Variants in PAFAH1B1 observed in about 807,000 individuals in gnomAD.
The protein encoded by PAFAH1B1 is platelet activating factor acetylhydrolase 1b regulatory subunit 1.
A neutral mutation model predicts 57.5 loss-of-function variants in PAFAH1B1; 2 were observed. The ratio of observed to expected loss-of-function variants is 0.03; its 90% confidence interval spans 0.01 to 0.11. The LOEUF (loss-of-function observed/expected upper bound fraction) is 0.11. Among genes scored for constraint, PAFAH1B1 ranks in the 10% least tolerant of loss-of-function variants. The pLI is 1.00. For missense variants in PAFAH1B1, 257 were observed against 512.0 expected (o/e 0.50, Z 4.81); for synonymous variants, 152 against 169.6 (o/e 0.90, Z 0.81).
intron 1 of PAFAH1B1, among the ~76,000 whole-genome samples, chr17:2,603,807 C>G (rs1274835605): frequency 1.3e-5 from 2 of 150,828 alleles, no homozygotes; most frequent in Non-Finnish European, 2.9e-5. Flanking sequence ...GTGGCACGAT[C>G]TTGGCTTACT....
intron 2 of PAFAH1B1, among the ~76,000 whole-genome samples, chr17:2,657,441 A>G (rs1237320847): frequency 6.6e-6 from 1 of 152,176 alleles, no homozygotes; most frequent in South Asian, 2.1e-4. Flanking sequence ...CTGAGGTTTC[A>G]CCATGTTGGC....
chr17:2,655,798 TAG>T (rs2068929174), intron 2 of PAFAH1B1, among the ~76,000 whole-genome samples: 1 of 149,752 alleles, frequency 6.7e-6, no homozygotes, highest in Admixed American at 6.7e-5. Flanking sequence ...AAAAAAAAAA[TAG>T]AAGAGGAAAG....
chr17:2,599,971 CTTTTTTTTTT>C (rs34442256), intron 1 of PAFAH1B1, among the ~76,000 whole-genome samples: 7 of 82,774 alleles, frequency 8.5e-5, no homozygotes, highest in East Asian at 3.5e-4. Context: ...CATTTTTAAC[CTTTTTTTTTT>C]TTTTTTTTTT....
chr17:2,664,049 G>A (rs1341405546), intron 2 of PAFAH1B1, among the ~76,000 whole-genome samples: 1 of 152,014 alleles, frequency 6.6e-6, no homozygotes, highest in Admixed American at 6.6e-5. Context: ...CAAAGTGCTG[G>A]GATTACAGAC....
intron 1 of PAFAH1B1, among the ~76,000 whole-genome samples, chr17:2,616,801 C>T (rs923952382): frequency 7.9e-5 from 12 of 152,180 alleles, no homozygotes; most frequent in Middle Eastern, 3.4e-3. Flanking sequence ...CAGTGGCTCA[C>T]GCCTGTAATC....
At chr17:2,637,325 G>T (rs535385279) in intron 1 of PAFAH1B1, among the ~76,000 whole-genome samples, 1 of 152,118 alleles carries the variant, frequency 6.6e-6, no homozygotes, top group Admixed American at 6.6e-5. Context: ...GGTTAAGAGA[G>T]CATAAGATTC....
At chr17:2,651,413 C>CAA (rs1157501996) in intron 2 of PAFAH1B1, among the ~76,000 whole-genome samples, 1,057 of 53,310 alleles carry the variant, frequency 0.02, 16 homozygotes, top group African/African-American at 0.061. Flanking sequence ...CCCGTCTCTA[C>CAA]AAAAAAAAAA....
chr17:2,671,922 C>A (rs979424670), intron 6 of PAFAH1B1, among the ~76,000 whole-genome samples: 4 of 151,840 alleles, frequency 2.6e-5, no homozygotes, highest in African/African-American at 9.7e-5. Context: ...AAACAGAGAA[C>A]CAATTCCCCA....
intron 2 of PAFAH1B1, among the ~76,000 whole-genome samples, chr17:2,649,882 T>C (rs1179728300): frequency 1.3e-5 from 2 of 152,156 alleles, no homozygotes; most frequent in Admixed American, 1.3e-4. Flanking sequence ...GGAACAAAGT[T>C]CAAAGACATG....
chr17:2,620,512 G>T (rs1318947400), intron 1 of PAFAH1B1, among the ~76,000 whole-genome samples: 1 of 152,156 alleles, frequency 6.6e-6, no homozygotes, highest in African/African-American at 2.4e-5. Flanking sequence ...GATGCTGGTT[G>T]TCTGTGCTGT....
chr17:2,626,742 A>T (rs1192606755), intron 1 of PAFAH1B1, among the ~76,000 whole-genome samples: 2 of 151,898 alleles, frequency 1.3e-5, no homozygotes, highest in Non-Finnish European at 2.9e-5. Flanking sequence ...TTTAGTAGAG[A>T]TAGGGTTTCA....
intron 5 of PAFAH1B1, among the ~76,000 whole-genome samples, chr17:2,668,408 C>T (rs1014586320): frequency 3.3e-5 from 5 of 152,152 alleles, no homozygotes; most frequent in South Asian, 4.1e-4. Context: ...AATTATGGGC[C>T]GGGTGTGGTA....
chr17:2,677,817 G>A (rs1042459672), intron 9 of PAFAH1B1, among the ~76,000 whole-genome samples: 9 of 151,740 alleles, frequency 5.9e-5, no homozygotes, highest in Admixed American at 3.9e-4. Context: ...TGGCACCACT[G>A]TACTCCAGCC....
At chr17:2,626,508 C>T (rs2151626635) in intron 1 of PAFAH1B1, among the ~76,000 whole-genome samples, 1 of 141,590 alleles carries the variant, frequency 7.1e-6, no homozygotes, top group South Asian at 2.2e-4. Flanking sequence ...ATTAATTACT[C>T]AGGTTATAGA....
intron 5 of PAFAH1B1, chr17:2,667,562 C>CA (rs2069123325): frequency 3.6e-6 from 1 of 281,010 alleles, no homozygotes; most frequent in African/African-American, 2.2e-5. Flanking sequence ...GTCAGTACAT[C>CA]ACCTTGTGCT....
intron 2 of PAFAH1B1, among the ~76,000 whole-genome samples, chr17:2,664,854 G>A (rs1373934886): frequency 6.6e-6 from 1 of 152,066 alleles, no homozygotes; most frequent in Admixed American, 6.6e-5. Flanking sequence ...AGTACACTAA[G>A]TTTATACTGT....
intron 1 of PAFAH1B1, among the ~76,000 whole-genome samples, chr17:2,620,985 T>A (rs2068414336): frequency 6.6e-6 from 1 of 152,198 alleles, no homozygotes; most frequent in Non-Finnish European, 1.5e-5. Flanking sequence ...TTTAATAGAT[T>A]GTGTACAAAA....
At chr17:2,594,639 C>G (rs1032210100) in intron 1 of PAFAH1B1, among the ~76,000 whole-genome samples, 6 of 152,196 alleles carry the variant, frequency 3.9e-5, no homozygotes, top group Admixed American at 6.5e-5. Context: ...CAGCACCCGC[C>G]GAGGAGAGGC....
intron 1 of PAFAH1B1, among the ~76,000 whole-genome samples, chr17:2,618,479 C>T (rs1243661408): frequency 6.6e-6 from 1 of 152,090 alleles, no homozygotes; most frequent in East Asian, 1.9e-4. Flanking sequence ...TGAAGTTACT[C>T]TTACGGAGTA....
Sources: gnomAD v4.1 joint callset for allele counts (sites outside exome capture counted in the v4.1 genomes callset) on GRCh38, gnomAD v4.1.1 for gene constraint, MANE v1.5 for transcripts, NCBI Gene and HGNC (gene_info 2026-07-23, HGNC 2026-07-21) for gene names.